PDE7A: variants seen among roughly 807,000 people sequenced by gnomAD.
PDE7A encodes high affinity 3',5'-cyclic-AMP phosphodiesterase 7A.
PDE7A carries 39 observed loss-of-function variants against 64.3 expected under a neutral mutation model. The ratio of observed to expected loss-of-function variants is 0.61; its 90% CI spans 0.47 to 0.79. The LOEUF is 0.79. PDE7A is among the 30% of genes least tolerant of loss of function. The pLI is 0.00. For missense variants in PDE7A, 470 were observed against 582.8 expected (o/e 0.81, Z 1.99); for synonymous variants, 203 against 206.8 (o/e 0.98, Z 0.16).
chr8:65,750,997 G>A (rs1807924808), intron 3 of PDE7A, among the ~76,000 whole-genome samples: 1 of 152,108 alleles, frequency 6.6e-6, no homozygotes, highest in African/African-American at 2.4e-5. Context: ...GATAAGAAAT[G>A]GACCTTCACT....
intron 1 of PDE7A, chr8:65,788,801 G>A (rs1809626603): frequency 3.3e-6 from 3 of 905,532 alleles, no homozygotes; most frequent in East Asian, 2.5e-5. Flanking sequence ...GCAAAAGGAG[G>A]AGAAAATCGA....
intron 5 of PDE7A, among the ~76,000 whole-genome samples, chr8:65,742,708 T>C (rs1008973047): frequency 1.4e-4 from 22 of 152,206 alleles, no homozygotes; most frequent in African/African-American, 4.6e-4. Flanking sequence ...TTCTGCCCAT[T>C]TGTTCCCCAA....
At chr8:65,733,581 C>T (rs1271056941) in intron 7 of PDE7A, among the ~76,000 whole-genome samples, 2 of 152,024 alleles carry the variant, frequency 1.3e-5, no homozygotes, top group Non-Finnish European at 2.9e-5. Context: ...GATCACGCCA[C>T]TGCACTCCAG....
chr8:65,755,516 C>A (rs935843882), intron 3 of PDE7A, among the ~76,000 whole-genome samples: 1 of 152,170 alleles, frequency 6.6e-6, no homozygotes, highest in East Asian at 1.9e-4. Flanking sequence ...ACAAACACTG[C>A]TCGTATGCAT....
At chr8:65,734,091 A>T (rs749679781) in intron 7 of PDE7A, among the ~76,000 whole-genome samples, 19 of 152,196 alleles carry the variant, frequency 1.2e-4, no homozygotes, top group African/African-American at 2.4e-5. Context: ...CCTCTATATT[A>T]GGATGTCAAA....
intron 3 of PDE7A, among the ~76,000 whole-genome samples, chr8:65,762,567 T>C (rs1302907648): frequency 6.6e-6 from 1 of 152,198 alleles, no homozygotes; most frequent in Non-Finnish European, 1.5e-5. Flanking sequence ...GTTCTTCATC[T>C]GTAAAATAGG....
chr8:65,754,703 A>G (rs1585875903), intron 3 of PDE7A, among the ~76,000 whole-genome samples: 1 of 148,950 alleles, frequency 6.7e-6, no homozygotes, highest in Non-Finnish European at 1.5e-5. Flanking sequence ...ACAGTGGCTC[A>G]CGCCTGTAAT....
chr8:65,746,371 C>A (rs1807677497), intron 4 of PDE7A, among the ~76,000 whole-genome samples: 1 of 152,054 alleles, frequency 6.6e-6, no homozygotes, highest in South Asian at 2.1e-4. Context: ...GACACTGATA[C>A]CACACCATGC....
intron 3 of PDE7A, among the ~76,000 whole-genome samples, chr8:65,775,396 A>G (rs991692825): frequency 2.0e-5 from 3 of 152,212 alleles, no homozygotes; most frequent in Admixed American, 6.6e-5. Context: ...ATTTATGAAT[A>G]TAAGTATTTT....
chr8:65,742,169 T>C (rs1303264487), intron 5 of PDE7A, among the ~76,000 whole-genome samples: 1 of 152,236 alleles, frequency 6.6e-6, no homozygotes, highest in Non-Finnish European at 1.5e-5. Flanking sequence ...AAAATTGTAT[T>C]TTTAGAAAAG....
intron 1 of PDE7A, among the ~76,000 whole-genome samples, chr8:65,836,262 G>A (rs967977790): frequency 6.6e-6 from 1 of 152,276 alleles, no homozygotes; most frequent in Non-Finnish European, 1.5e-5. Flanking sequence ...GGGTACACAA[G>A]AGCCCTTATA....
chr8:65,761,879 G>C (rs983183839), intron 3 of PDE7A, among the ~76,000 whole-genome samples: 5 of 152,124 alleles, frequency 3.3e-5, no homozygotes, highest in Non-Finnish European at 7.4e-5. Flanking sequence ...AACACAACTG[G>C]AGCAGTATTA....
intron 1 of PDE7A, among the ~76,000 whole-genome samples, chr8:65,830,620 A>G (rs796578668): frequency 3.3e-5 from 5 of 152,280 alleles, no homozygotes; most frequent in African/African-American, 1.2e-4. Context: ...TTACTTTAAT[A>G]CTTATTAAAA....
At position 65,729,364 on chromosome 8, in the gene PDE7A, C is replaced by CTTTTTTTTTT. The variant is rs10540107; in HGVS notation, c.697-2073_697-2064dup. On this transcript the variant is annotated intron_variant, in intron 7 of 12. Coordinates refer to ENST00000401827, the MANE Select transcript of PDE7A (RefSeq NM_001242318.3). ...TCACAGTGAGTTTCGTTGGTGGTAG[C>CTTTTTTTTTT]TTTTTTTTTTTTTTTTTTTTTTTGG... Among the ~76,000 whole-genome samples, 2 of 80,076 alleles carry CTTTTTTTTTT rather than the reference C, an allele frequency of 2.5e-5. 1 individual carries two copies. 52.5% of individuals were successfully genotyped at this position (80,076 alleles called of 152,430 possible).
At position 65,730,569 on chromosome 8, in the gene PDE7A, T is replaced by C. The variant is rs7007539; in HGVS notation, c.697-3268A>G. ...ATCCCCCTCCCCATCCAAGGAAATA[T>C]TGTCTTCCGTGAAACTGGTCCCTGA... is the stretch of plus-strand genomic sequence containing the variant. On this transcript the variant is annotated intron_variant, in intron 7 of 12. Coordinates refer to ENST00000401827, the MANE Select transcript of PDE7A (RefSeq NM_001242318.3). Among the ~76,000 whole-genome samples the C allele has an allele frequency of 1.6e-3, 244 of 152,202 alleles. 2 individuals carry two copies. The highest frequency in any genetic ancestry group is 5.2e-3 in the African/African-American group (215 of 41,530).
chr8:65,815,075 C>T (rs1018106644), intron 1 of PDE7A, among the ~76,000 whole-genome samples: 4 of 142,100 alleles, frequency 2.8e-5, no homozygotes, highest in Non-Finnish European at 4.5e-5. Flanking sequence ...AGTGAGACTC[C>T]ATCTCAAAAA....
At chr8:65,767,642 T>C (rs1268568908) in intron 3 of PDE7A, among the ~76,000 whole-genome samples, 1 of 152,058 alleles carries the variant, frequency 6.6e-6, no homozygotes, top group African/African-American at 2.4e-5. Context: ...AATGCTGACC[T>C]CAAGAAGCTT....
At chr8:65,719,631 A>G (rs758219762) in intron 12 of PDE7A, 136 bp from the exon 13 acceptor site, 15 of 641,498 alleles carry the variant, frequency 2.3e-5, no homozygotes, top group African/African-American at 5.5e-5. Context: ...ATTCCTGTGT[A>G]TGTGTAGGTG....
At chr8:65,815,796 A>C (rs992200723) in intron 1 of PDE7A, among the ~76,000 whole-genome samples, 1 of 152,222 alleles carries the variant, frequency 6.6e-6, no homozygotes, top group African/African-American at 2.4e-5. Context: ...AACTTTTACA[A>C]AACTATCACT....
Sources: allele counts gnomAD v4.1 joint callset (sites outside exome capture counted in the v4.1 genomes callset), GRCh38; gene constraint gnomAD v4.1.1; transcripts MANE v1.5; gene names NCBI Gene and HGNC (gene_info 2026-07-23, HGNC 2026-07-21).